Variants in PDE1C observed in about 807,000 individuals in gnomAD.
The protein encoded by PDE1C is dual specificity calcium/calmodulin-dependent 3',5'-cyclic nucleotide phosphodiesterase 1C.
In PDE1C, 62 loss-of-function variants were observed where a neutral mutation model predicts 93.1. That is an observed-to-expected ratio of 0.67 (90% CI 0.54 to 0.82). The LOEUF is 0.82. Ranked by LOEUF, PDE1C falls within the 40% of genes least tolerant of loss-of-function variation. The pLI, the probability that PDE1C is intolerant of heterozygous loss-of-function variation, is 0.00. For synonymous variants in PDE1C, 325 were observed against 310.1 expected, an observed-to-expected ratio of 1.05 and a Z score of -0.50; for missense variants, 742 against 884.6, an observed-to-expected ratio of 0.84 and a Z score of 2.04.
chr7:31,923,638 A>G (rs35218922), intron 2 of PDE1C, among the ~76,000 whole-genome samples: 20,861 of 152,208 alleles, frequency 0.14, 1,641 homozygotes, highest in South Asian at 0.18. Context: ...CACACTTACA[A>G]GAAAGCTTAG....
chr7:32,394,537 T>C (rs577280344), intron 1 of PDE1C, among the ~76,000 whole-genome samples: 1 of 152,290 alleles, frequency 6.6e-6, no homozygotes, highest in South Asian at 2.1e-4. Context: ...GTTGGGCACA[T>C]TGACTCATGC....
At chr7:31,628,268 T>A in the PDE1C span, among the ~76,000 whole-genome samples, 1 of 152,080 alleles carries the variant, frequency 6.6e-6, no homozygotes, top group Admixed American at 6.5e-5. Flanking sequence ...AGAGAAAGCC[T>A]GGAGCACAGG....
chr7:32,225,520 C>G (rs11762455), intron 1 of PDE1C, among the ~76,000 whole-genome samples: 18,309 of 152,106 alleles, frequency 0.12, 1,197 homozygotes, highest in East Asian at 0.23. Context: ...CACTCAGAGA[C>G]AGGAAGCTTG....
chr7:32,034,065 TG>T (rs1403869751), intron 2 of PDE1C, among the ~76,000 whole-genome samples: 24 of 151,706 alleles, frequency 1.6e-4, no homozygotes, highest in Non-Finnish European at 3.2e-4. Flanking sequence ...TGTGTGTGTG[TG>T]TGTGTGTGTG....
At chr7:32,220,127 C>T (rs1043959770) in intron 1 of PDE1C, among the ~76,000 whole-genome samples, 2 of 151,842 alleles carry the variant, frequency 1.3e-5, no homozygotes. Flanking sequence ...AATAAATTAC[C>T]CAGTCTTGGG....
intron 5 of PDE1C, among the ~76,000 whole-genome samples, chr7:31,873,809 C>A (rs1180174615): frequency 3.3e-5 from 5 of 152,184 alleles, no homozygotes; most frequent in Non-Finnish European, 7.4e-5. Flanking sequence ...AGGGCCAGAA[C>A]ACAAACATAG....
intron 2 of PDE1C, among the ~76,000 whole-genome samples, chr7:31,895,036 C>T (rs1315912866): frequency 2.0e-5 from 3 of 152,076 alleles, no homozygotes; most frequent in African/African-American, 7.2e-5. Flanking sequence ...TTACACAAAC[C>T]CAAGATGGTT....
Position 31,815,547 on chromosome 7 carries a change from G to A in PDE1C, c.1813+377C>T, listed in dbSNP as rs567432825. On this transcript the variant is annotated intron_variant, in intron 15 of 17. Coordinates refer to ENST00000396191, the MANE Select transcript of PDE1C (RefSeq NM_001191057.4). The stretch of plus-strand genomic sequence containing the variant: ...TACAGGAAAAGGCTCAGGCAAACCT[G>A]AGGTCTGGCCCTCATAGAGCGATGG... Among the ~76,000 whole-genome samples the A allele has an allele frequency of 8.5e-5, 13 of 152,278 alleles. No homozygotes were observed. The South Asian group carries it at 2.5e-3, about 29-fold the overall frequency.
chr7:31,949,125 AC>A (rs1807011947), intron 2 of PDE1C, among the ~76,000 whole-genome samples: 1 of 151,962 alleles, frequency 6.6e-6, no homozygotes, highest in African/African-American at 2.4e-5. Flanking sequence ...AATATGCAAC[AC>A]TTTTTTAGTC....
chr7:31,695,829 AT>A, the PDE1C span: 144,328 of 394,336 alleles, frequency 0.37, 30,440 homozygotes, highest in East Asian at 0.69. Context: ...ATAAAAGTTT[AT>A]TTTTTTTACC....
chr7:32,169,634 G>C (rs750490216), intron 3 of PDE1C: 3 of 693,230 alleles, frequency 4.3e-6, no homozygotes, highest in East Asian at 5.5e-5. Context: ...AGTCCAGCTA[G>C]CATTGATTCC....
intron 3 of PDE1C, among the ~76,000 whole-genome samples, chr7:32,089,331 A>AG (rs1238694091): frequency 6.6e-6 from 1 of 152,176 alleles, no homozygotes; most frequent in African/African-American, 2.4e-5. Flanking sequence ...TTTGAACTAA[A>AG]GCCTGTCATT....
intron 2 of PDE1C, among the ~76,000 whole-genome samples, chr7:31,944,696 G>C (rs991311610): frequency 6.6e-6 from 1 of 152,168 alleles, no homozygotes; most frequent in African/African-American, 2.4e-5. Flanking sequence ...CTTTGCATAA[G>C]TTTGAATAGT....
chr7:32,391,888 G>A (rs1784757654), intron 1 of PDE1C, among the ~76,000 whole-genome samples: 1 of 151,822 alleles, frequency 6.6e-6, no homozygotes. Context: ...TAGAAAAAAG[G>A]AAAGGTCTCA....
At chr7:31,896,558 C>T (rs943626167) in intron 2 of PDE1C, among the ~76,000 whole-genome samples, 1 of 152,018 alleles carries the variant, frequency 6.6e-6, no homozygotes, top group Admixed American at 6.6e-5. Flanking sequence ...AGTCAGCAGG[C>T]ACTGATAAAG....
At chr7:32,130,394 C>T (rs1799849463) in intron 3 of PDE1C, among the ~76,000 whole-genome samples, 2 of 152,028 alleles carry the variant, frequency 1.3e-5, no homozygotes, top group Non-Finnish European at 2.9e-5. Flanking sequence ...TTCTCCTCTC[C>T]TCCCTTTCTC....
At position 32,239,999 on chromosome 7, in the gene PDE1C, G is replaced by A. The variant is rs78378583; in HGVS notation, c.86-30460C>T. Among the ~76,000 whole-genome samples the A allele has an allele frequency of 5.8e-3, 876 of 152,288 alleles. 4 individuals carry two copies. Among genetic ancestry groups the A allele is most frequent in the African/African-American group, 0.02 (835 of 41,548 alleles). The stretch of plus-strand genomic sequence containing the variant: ...GACTGACAACAATGCTGTCAGCCTG[G>A]ATCCTGAATTGGGCCCCCTGCCACC... On this transcript the variant is annotated intron_variant, in intron 1 of 18. Coordinates refer to the PDE1C transcript ENST00000396193.
At chr7:31,825,623 G>A (rs1041188502) in intron 12 of PDE1C, among the ~76,000 whole-genome samples, 2 of 152,174 alleles carry the variant, frequency 1.3e-5, no homozygotes, top group Non-Finnish European at 2.9e-5. Flanking sequence ...TGGCAAGATA[G>A]ATAAGAAGGA....
At position 31,988,361 on chromosome 7, in the gene PDE1C, T is replaced by C. The variant is rs572795269; in HGVS notation, c.128+63193A>G. On this transcript the variant is annotated intron_variant, in intron 2 of 17. Coordinates refer to ENST00000396191, the MANE Select transcript of PDE1C (RefSeq NM_001191057.4). Reference sequence around the variant, plus strand: ...ATGACCAAAGGTAATAATGCCAACATGTATAAGTCACTTTTAAAGGTTTCT... The same window carrying C: ...ATGACCAAAGGTAATAATGCCAACACGTATAAGTCACTTTTAAAGGTTTCT... Among the ~76,000 whole-genome samples the C allele has an allele frequency of 5.9e-5, 9 of 152,336 alleles. No individual in the cohort carries two copies. In the South Asian group the frequency reaches 1.9e-3, roughly 32 times the overall value.
Sources: gnomAD v4.1 joint callset for allele counts (sites outside exome capture counted in the v4.1 genomes callset) on GRCh38, gnomAD v4.1.1 for gene constraint, MANE v1.5 for transcripts, NCBI Gene and HGNC (gene_info 2026-07-23, HGNC 2026-07-21) for gene names.